The following HDAC4 variants were observed in gnomAD, a reference collection of about 807,000 sequenced individuals.
The protein encoded by HDAC4 is histone deacetylase 4, also known as histone deacetylase A.
A neutral mutation model predicts 135.1 loss-of-function variants in HDAC4; 16 were observed. The observed-to-expected ratio is 0.12, with a 90% CI of 0.08 to 0.18. The LOEUF (loss-of-function observed/expected upper bound fraction) is 0.18. HDAC4 is among the 10% of genes least tolerant of loss of function. The probability of loss-of-function intolerance (pLI) is 1.00; values close to 1 mark genes in which losing one functional copy is unlikely to be tolerated. For missense variants in HDAC4, 1,143 were observed against 1,511.8 expected (o/e 0.76, Z 4.05); for synonymous variants, 685 against 653.4 (o/e 1.05, Z -0.74).
intron 1 of HDAC4, among the ~76,000 whole-genome samples, chr2:239,383,841 G>A (rs1024264350): frequency 6.6e-6 from 1 of 152,210 alleles, no homozygotes; most frequent in African/African-American, 2.4e-5. Flanking sequence ...GATGCAGACA[G>A]GATGAAGCTC....
chr2:239,084,436 C>T (rs2035664548), intron 19 of HDAC4, among the ~76,000 whole-genome samples, 194 bp from the exon 20 acceptor site: 1 of 150,566 alleles, frequency 6.6e-6, no homozygotes, highest in Non-Finnish European at 1.5e-5. Flanking sequence ...ACACACCCCA[C>T]ATGCAGACAC....
At chr2:239,208,118 G>C (rs1349063315) in intron 3 of HDAC4, among the ~76,000 whole-genome samples, 4 of 151,532 alleles carry the variant, frequency 2.6e-5, no homozygotes, top group African/African-American at 4.9e-5. Flanking sequence ...GTCAGGAGAT[G>C]GAGACCATCC....
chr2:239,360,283 T>A (rs1693774617), intron 1 of HDAC4, among the ~76,000 whole-genome samples: 3 of 151,802 alleles, frequency 2.0e-5, no homozygotes, highest in Admixed American at 2.0e-4. Context: ...GAGGGGGAAA[T>A]AGGACAAGGC....
At chr2:239,261,694 C>T (rs989126135) in intron 2 of HDAC4, among the ~76,000 whole-genome samples, 3 of 152,282 alleles carry the variant, frequency 2.0e-5, no homozygotes, top group African/African-American at 4.8e-5. Flanking sequence ...CAGAAGTCAG[C>T]GTCCTAAGAG....
chr2:239,228,729 T>TA lies in HDAC4; in HGVS notation c.94+7863dup, dbSNP rs954557961. ...ACCTTTTGAAATTCTTAAGAGGTAA[T>TA]ATGCCTTCAGCCATCGAAGGGGAAT... On this transcript the variant is annotated intron_variant, in intron 3 of 26. Coordinates refer to ENST00000543185, the MANE Select transcript of HDAC4 (RefSeq NM_001378414.1). 1.0e-3 allele frequency among the ~76,000 whole-genome samples: 157 copies of TA among 152,244 alleles called. 1 individual carries two copies. Among genetic ancestry groups the TA allele is most frequent in the African/African-American group, 3.7e-3 (153 of 41,524 alleles).
rs888785496 is a variant in HDAC4, at chr2:239,309,455, C to T, written c.22+43223G>A. ...CCCAAGGAAGCAAGAAGCGGGACCCCGCCTTCTCAGCCACCTCTCACTAAC... is the reference window on the plus strand; with the variant it reads ...CCCAAGGAAGCAAGAAGCGGGACCCTGCCTTCTCAGCCACCTCTCACTAAC... On this transcript the variant is annotated intron_variant, in intron 2 of 26. Transcript: ENST00000543185. The surrounding 1 kb of genome is among the most constrained non-coding windows in gnomAD (Gnocchi z 4.2). Among the ~76,000 whole-genome samples the T allele has an allele frequency of 3.3e-5, 5 of 152,360 alleles. 1 individual carries two copies. Among genetic ancestry groups the T allele is most frequent in the African/African-American group, 4.8e-5 (2 of 41,588 alleles).
rs765306438 is a variant in HDAC4 at position 239,068,418 on chromosome 2, T to C, written c.2869+71A>G. 470 of 1,104,956 alleles carry C rather than the reference T, an allele frequency of 4.3e-4. 2 individuals carry two copies. Among genetic ancestry groups the C allele is most frequent in the Middle Eastern group, 9.9e-4 (5 of 5,044 alleles). The allele number at this position is 1,104,956 out of a possible 1,614,324, so 68.4% of individuals were successfully genotyped here. On this transcript the variant is annotated intron_variant, in intron 23 of 26. Coordinates refer to ENST00000543185, the MANE Select transcript of HDAC4 (RefSeq NM_001378414.1). This position sits in a 1 kb window ranked among gnomAD's most constrained non-coding sequence, Gnocchi z 4.4. ...TTATCTCGTTATTAAAAAGGGGACC[T>C]GACACGCGGAACACAGCGGATCATG... is the stretch of plus-strand genomic sequence containing the variant.
intron 4 of HDAC4, among the ~76,000 whole-genome samples, chr2:239,180,495 G>A (rs2044077017): frequency 6.6e-6 from 1 of 152,004 alleles, no homozygotes; most frequent in Non-Finnish European, 1.5e-5. Context: ...CAGTCACCCC[G>A]CATGTCTGTG....
intron 4 of HDAC4, among the ~76,000 whole-genome samples, chr2:239,182,512 A>G (rs1182749114): frequency 6.6e-6 from 1 of 152,224 alleles, no homozygotes; most frequent in East Asian, 1.9e-4. Flanking sequence ...TCCCAGAAAC[A>G]TGACTGTGGT....
At chr2:239,124,088 G>A (rs1037694936) in intron 12 of HDAC4, among the ~76,000 whole-genome samples, 3 of 152,134 alleles carry the variant, frequency 2.0e-5, no homozygotes, top group African/African-American at 7.2e-5. Context: ...ATCTGCCAAA[G>A]GTTTCTCCAC....
chr2:239,328,836 G>A (rs542286409), intron 2 of HDAC4, among the ~76,000 whole-genome samples: 104 of 152,374 alleles, frequency 6.8e-4, no homozygotes, highest in African/African-American at 1.7e-3. Flanking sequence ...AGTCAGGAGC[G>A]GTGGAGCTGG....
Position 239,352,980 on chromosome 2 carries a change from C to T in HDAC4, c.-219-62G>A. 2.1e-6 allele frequency: 1 copy of T among 471,826 alleles called. No individual in the cohort carries two copies. Among genetic ancestry groups the T allele is most frequent in the Non-Finnish European group, 3.9e-6 (1 of 258,504 alleles). The allele number at this position is 471,826 out of a possible 1,614,324, so 29.2% of individuals were successfully genotyped here. ...AACATGGAAGTTCCGATCTGGAAAA[C>T]AACATCCAACTAGGGAAATGATGAC... On this transcript the variant is annotated intron_variant, in intron 1 of 26. Coordinates refer to ENST00000543185, the MANE Select transcript of HDAC4 (RefSeq NM_001378414.1). This position sits in a 1 kb window ranked among gnomAD's most constrained non-coding sequence, Gnocchi z 4.4.
Position 239,111,553 on chromosome 2 carries a change from G to A in HDAC4, c.1951C>T (p.Pro651Ser), listed in dbSNP as rs372756343. 8.1e-5 allele frequency: 131 copies of A among 1,612,296 alleles called. No individual in the cohort carries two copies. Among genetic ancestry groups the A allele is most frequent in the Non-Finnish European group, 9.2e-5 (109 of 1,179,778 alleles). Residue 651 changes from proline (P) to serine (S), a missense_variant, in exon 14 of 27, where the codon CCC (proline) becomes TCC (serine). Transcript: ENST00000543185. ...SATFPVSVQE[P>S]PTKPRFTTGL... ...GTCGTGAACCTCGGCTTGGTGGGGG[G>A]CTCCTGCACAGACACGGGGAAGGTG...
chr2:239,164,517 ATTCTTTTTC>A (rs1471357251), intron 5 of HDAC4, among the ~76,000 whole-genome samples: 1 of 152,202 alleles, frequency 6.6e-6, no homozygotes, highest in African/African-American at 2.4e-5. Flanking sequence ...CGTGGCGGTG[ATTCTTTTTC>A]AAAGCCTCAT....
chr2:239,280,630 G>A (rs938981645), intron 2 of HDAC4, among the ~76,000 whole-genome samples: 15 of 152,122 alleles, frequency 9.9e-5, no homozygotes, highest in African/African-American at 2.9e-4. Context: ...CCTCTCTCCC[G>A]CGTGAGGAAG....
At chr2:239,066,988 G>A (rs965424205) in intron 23 of HDAC4, 133 bp from the exon 24 acceptor site, 5 of 1,106,866 alleles carry the variant, frequency 4.5e-6, no homozygotes, top group African/African-American at 1.6e-5. Context: ...GCCGGGTTTC[G>A]TTTAATAAAT....
intron 16 of HDAC4, among the ~76,000 whole-genome samples, chr2:239,099,434 C>A (rs556386262): frequency 6.6e-6 from 1 of 152,342 alleles, no homozygotes; most frequent in South Asian, 2.1e-4. Flanking sequence ...GACATCGAGG[C>A]AAAGATCTTG....
rs59189630 is a variant in HDAC4 at position 239,103,255 on chromosome 2, C to T, written c.2113-359G>A. Reference sequence around the variant, plus strand: ...CTTAAAATAGAGGTGAGCTGCTGAGCTCCCTCACGTTCAAGGGAAACCCCA... The same window carrying T: ...CTTAAAATAGAGGTGAGCTGCTGAGTTCCCTCACGTTCAAGGGAAACCCCA... On this transcript the variant is annotated intron_variant, in intron 15 of 26. Transcript: ENST00000543185. Among the ~76,000 whole-genome samples, 1,514 of 152,208 alleles carry T rather than the reference C, an allele frequency of 9.9e-3. 25 individuals carry two copies. Among genetic ancestry groups the T allele is most frequent in the African/African-American group, 0.034 (1,423 of 41,542 alleles).
At chr2:239,272,905 G>C (rs1328572211) in intron 2 of HDAC4, among the ~76,000 whole-genome samples, 1 of 152,158 alleles carries the variant, frequency 6.6e-6, no homozygotes, top group Non-Finnish European at 1.5e-5. Flanking sequence ...TCCTGCAACG[G>C]CTTCTTCCCT....
Sources: allele counts gnomAD v4.1 joint callset (sites outside exome capture counted in the v4.1 genomes callset), GRCh38; gene constraint gnomAD v4.1.1; non-coding constraint Gnocchi (gnomAD v3.1); transcripts MANE v1.5; gene names NCBI Gene and HGNC (gene_info 2026-07-23, HGNC 2026-07-21).